Variants in CLDN11 observed in about 807,000 individuals in gnomAD.
CLDN11 encodes claudin 11.
A neutral mutation model predicts 18.0 loss-of-function variants in CLDN11; 1 was observed. The ratio of observed to expected loss-of-function variants is 0.06; its 90% CI spans 0.02 to 0.26. The LOEUF is 0.26. Among genes scored for constraint, CLDN11 ranks in the 10% least tolerant of loss-of-function variants. The pLI, the probability that CLDN11 is intolerant of heterozygous loss-of-function variation, is 1.00. For missense variants in CLDN11, 172 were observed against 276.6 expected (o/e 0.62, Z 2.68); for synonymous variants, 116 against 121.5 (o/e 0.96, Z 0.30).
chr3:170,433,527 G>A lies in CLDN11; in HGVS notation c.*771G>A, dbSNP rs561756412. ...TCCCTTCAAGGTCATTTACTTGTAC[G>A]AGACAGAAAAAGATAGCATTGGGGA... On this transcript the variant is annotated 3_prime_UTR_variant, in exon 3 of 3. Coordinates refer to ENST00000064724, the MANE Select transcript of CLDN11 (RefSeq NM_005602.6). The A allele has an allele frequency of 3.9e-5, 6 of 152,536 alleles. No homozygotes were observed. In the East Asian group the frequency reaches 1.2e-3, roughly 29 times the overall value. 9.4% of individuals were successfully genotyped at this position (152,536 alleles called of 1,614,324 possible). A position where few individuals can be genotyped will look rare whatever the true frequency, so the allele number is the denominator to read the frequency against.
chr3:170,429,950 C>T (rs73038381), intron 2 of CLDN11, among the ~76,000 whole-genome samples: 10,125 of 152,230 alleles, frequency 0.067, 819 homozygotes, highest in African/African-American at 0.19. Context: ...TAGGAAAGAT[C>T]GGTTAGATTG....
In CLDN11 at chr3:170,433,339, C is replaced by CT. The variant is rs1739057396; in HGVS notation, c.*584dup. The CT allele has an allele frequency of 6.6e-6, 1 of 151,778 alleles. No homozygotes were observed. The highest frequency in any genetic ancestry group is 1.5e-5 in the Non-Finnish European group (1 of 68,070). 9.4% of individuals were successfully genotyped at this position (151,778 alleles called of 1,614,324 possible). On this transcript the variant is annotated 3_prime_UTR_variant, in exon 3 of 3. Transcript: ENST00000064724. ...AGTTTTTTATAGAGATGAGGGCTCCCTATGTTGCCCAGGTTGGTCTCGAAC... is the reference window on the plus strand; with the variant it reads ...AGTTTTTTATAGAGATGAGGGCTCCCTTATGTTGCCCAGGTTGGTCTCGAAC...
intron 1 of CLDN11, among the ~76,000 whole-genome samples, chr3:170,421,967 A>G (rs764986392): frequency 6.6e-6 from 1 of 152,150 alleles, no homozygotes; most frequent in Non-Finnish European, 1.5e-5. Context: ...CACTGTGTTA[A>G]CTCCGTGAAT....
Position 170,423,273 on chromosome 3 carries a change from G to A in CLDN11, c.337G>A (p.Gly113Ser), listed in dbSNP as rs1409189641. ...LPCIRMGQEPGVAKYRRAQLA... is the reference protein window; with the variant it reads ...LPCIRMGQEPSVAKYRRAQLA... Reference sequence around the variant, plus strand: ...CTGCATCCGGATGGGCCAGGAGCCCGGTGTGGCTAAGTACAGGCGGGCCCA... The same window carrying A: ...CTGCATCCGGATGGGCCAGGAGCCCAGTGTGGCTAAGTACAGGCGGGCCCA... Residue 113 changes from glycine to serine, a missense_variant, in exon 2 of 3, where the codon GGT becomes AGT. By Grantham distance (56) the Gly-to-Ser change is moderately conservative. Transcript: ENST00000064724. 5 of 1,614,058 alleles carry A rather than the reference G, an allele frequency of 3.1e-6. No homozygotes were observed. Among genetic ancestry groups the A allele is most frequent in the Middle Eastern group, 1.6e-4 (1 of 6,084 alleles).
chr3:170,429,739 G>A (rs1738950188), intron 2 of CLDN11, among the ~76,000 whole-genome samples: 1 of 152,144 alleles, frequency 6.6e-6, no homozygotes, highest in African/African-American at 2.4e-5. Context: ...ATTTGCTTAA[G>A]GGAACAATGA....
In CLDN11 at chr3:170,419,227, C is replaced by T; in HGVS notation, c.161C>T (p.Ala54Val). 6.4e-7 allele frequency: 1 copy of T among 1,574,744 alleles called. No homozygotes were observed. The highest frequency in any genetic ancestry group is 1.2e-5 in the South Asian group (1 of 85,554). Residue 54 changes from alanine to valine, a missense_variant, in exon 1 of 3, where the codon GCC becomes GTC. This residue lies in a region of CLDN11 where 161 missense variants were observed against 240.3 expected (regional missense o/e 0.67). Transcript: ENST00000064724. The surrounding 1 kb of genome is among the most constrained non-coding windows in gnomAD (Gnocchi z 8.6). ...GAGCTGGGCTCCAAGGGGCTGTGGG[C>T]CGACTGCGTCATGGCCACGGGGCTG... The part of the protein sequence containing the change: ...LDELGSKGLW[A>V]DCVMATGLYH...
intron 2 of CLDN11, among the ~76,000 whole-genome samples, chr3:170,426,210 T>C (rs1738847396): frequency 6.6e-6 from 1 of 152,146 alleles, no homozygotes; most frequent in Non-Finnish European, 1.5e-5. Context: ...TGAAATCAGT[T>C]TTTCCTGACC....
At chr3:170,421,156 G>GC (rs1738713292) in intron 1 of CLDN11, 1 of 282,948 alleles carries the variant, frequency 3.5e-6, no homozygotes, top group Non-Finnish European at 5.2e-6. Context: ...TGGGGGTGGG[G>GC]GGGGGGTGGG....
At position 170,423,296 on chromosome 3, in the gene CLDN11, C is replaced by T; in HGVS notation, c.360C>T (p.Ala120=). Residue 120 remains alanine, a synonymous_variant, in exon 2 of 3, where the codon GCC becomes GCT. Coordinates refer to ENST00000064724, the MANE Select transcript of CLDN11 (RefSeq NM_005602.6). The part of the protein sequence containing the change: ...QEPGVAKYRR[A]QLAGVLLILL... ...CCGGTGTGGCTAAGTACAGGCGGGC[C>T]CAGCTGGCTGGTGTTTTGCTCATTC... is the stretch of plus-strand genomic sequence containing the variant. The T allele has an allele frequency of 6.2e-7, 1 of 1,614,092 alleles. No individual in the cohort carries two copies. Among genetic ancestry groups the T allele is most frequent in the Non-Finnish European group, 8.5e-7 (1 of 1,180,028 alleles).
chr3:170,429,104 A>T (rs1738938270), intron 2 of CLDN11, among the ~76,000 whole-genome samples: 2 of 152,264 alleles, frequency 1.3e-5, no homozygotes, highest in South Asian at 2.1e-4. Context: ...TGGTCAAAAC[A>T]TATCTCTTTC....
chr3:170,420,940 A>G (rs1738709249), intron 1 of CLDN11, among the ~76,000 whole-genome samples: 2 of 152,212 alleles, frequency 1.3e-5, no homozygotes, highest in South Asian at 4.1e-4. Flanking sequence ...ATGAGATAAG[A>G]AATGTAATCT....
At chr3:170,425,724 C>A (rs1331931013) in intron 2 of CLDN11, among the ~76,000 whole-genome samples, 1 of 152,206 alleles carries the variant, frequency 6.6e-6, no homozygotes, top group African/African-American at 2.4e-5. Flanking sequence ...TCCGGACACT[C>A]ACCAGAGTCC....
chr3:170,430,912 C>G lies in CLDN11; in HGVS notation c.392-1612C>G, dbSNP rs191409965. 1.1e-4 allele frequency among the ~76,000 whole-genome samples: 17 copies of G among 152,284 alleles called. No homozygotes were observed. In the East Asian group the frequency reaches 3.1e-3, roughly 28 times the overall value. ...GAATTTGGGCTGTTAGAAAGCCAAT[C>G]TGGGCAATTCATAGCTTTTCAAATT... On this transcript the variant is annotated intron_variant, in intron 2 of 2. Coordinates refer to ENST00000064724, the MANE Select transcript of CLDN11 (RefSeq NM_005602.6).
At chr3:170,421,483 A>T (rs1738723881) in intron 1 of CLDN11, 1 of 163,196 alleles carries the variant, frequency 6.1e-6, no homozygotes, top group Admixed American at 6.5e-5. Flanking sequence ...TGAGATGGGC[A>T]GTGCTGGAAG....
Position 170,423,213 on chromosome 3 carries a change from C to G in CLDN11, c.277C>G (p.Leu93Val), listed in dbSNP as rs1292136166. ...GATGATTGCTGCCTCGGTCCTGGGTCTGCCGGCCATTTTACTGCTGCTGAC... is the reference window on the plus strand; with the variant it reads ...GATGATTGCTGCCTCGGTCCTGGGTGTGCCGGCCATTTTACTGCTGCTGAC... ...ALMIAASVLG[L>V]PAILLLLTVL... Residue 93 changes from leucine (L) to valine (V), a missense_variant, in exon 2 of 3, where the codon CTG (leucine) becomes GTG (valine). Leu to Val is a conservative substitution (Grantham distance 32). Coordinates refer to ENST00000064724, the MANE Select transcript of CLDN11 (RefSeq NM_005602.6). 6.2e-7 allele frequency: 1 copy of G among 1,614,244 alleles called. No homozygotes were observed. The highest frequency in any genetic ancestry group is 1.1e-5 in the South Asian group (1 of 91,084).
At chr3:170,426,761 C>G (rs1560234772) in intron 2 of CLDN11, among the ~76,000 whole-genome samples, 1 of 152,096 alleles carries the variant, frequency 6.6e-6, no homozygotes, top group East Asian at 1.9e-4. Flanking sequence ...GGGTATTCTT[C>G]CAATCATGTC....
intron 2 of CLDN11, among the ~76,000 whole-genome samples, chr3:170,430,037 A>G (rs1055855232): frequency 4.6e-5 from 7 of 152,190 alleles, no homozygotes; most frequent in Non-Finnish European, 2.9e-5. Flanking sequence ...TTTTTCCTCT[A>G]AACAAGCCTG....
Position 170,419,111 on chromosome 3 carries a change from C to T in CLDN11, c.45C>T (p.Phe15=). The T allele has an allele frequency of 6.4e-7, 1 of 1,551,612 alleles. No individual in the cohort carries two copies. Among genetic ancestry groups the T allele is most frequent in the South Asian group, 1.2e-5 (1 of 84,060 alleles). Residue 15 remains phenylalanine, a synonymous_variant, in exon 1 of 3, where the codon TTC becomes TTT. Transcript: ENST00000064724. This position sits in a 1 kb window ranked among gnomAD's most constrained non-coding sequence, Gnocchi z 8.6. ...CLQVVGFVTS[F]VGWIGVIVTT... ...AGGTGGTGGGCTTCGTCACGAGCTT[C>T]GTGGGCTGGATCGGGGTCATCGTGA...
At chr3:170,431,145 A>G (rs1738993800) in intron 2 of CLDN11, among the ~76,000 whole-genome samples, 1 of 152,176 alleles carries the variant, frequency 6.6e-6, no homozygotes, top group African/African-American at 2.4e-5. Context: ...TTTAGAACTA[A>G]TATACAAGGC....
Sources: allele counts gnomAD v4.1 joint callset (sites outside exome capture counted in the v4.1 genomes callset), GRCh38; gene constraint gnomAD v4.1.1; regional missense constraint gnomAD v4.1.1; non-coding constraint Gnocchi (gnomAD v3.1); transcripts MANE v1.5; gene names NCBI Gene and HGNC (gene_info 2026-07-23, HGNC 2026-07-21).